MTOR: variants seen among roughly 807,000 people sequenced by gnomAD.
MTOR encodes mechanistic target of rapamycin kinase.
In MTOR, 70 loss-of-function variants were observed where a neutral mutation model predicts 319.8. That is an observed-to-expected ratio of 0.22 (90% CI 0.18 to 0.27). MTOR has a LOEUF of 0.27. Among genes scored for constraint, MTOR ranks in the 10% least tolerant of loss-of-function variants. The pLI is 1.00. For missense variants in MTOR, 1,890 were observed against 3,274.4 expected, an observed-to-expected ratio of 0.58 and a Z score of 10.32; for synonymous variants, 1,183 against 1,211.4, an observed-to-expected ratio of 0.98 and a Z score of 0.49.
chr1:11,181,093 T>G (rs998737089), intron 28 of MTOR, among the ~76,000 whole-genome samples: 2 of 152,146 alleles, frequency 1.3e-5, no homozygotes, highest in Admixed American at 1.3e-4. Context: ...GCAGTTTTTA[T>G]GGGGACATGT....
intron 29 of MTOR, among the ~76,000 whole-genome samples, chr1:11,157,833 A>G (rs1023543754): frequency 3.3e-5 from 5 of 152,206 alleles, no homozygotes; most frequent in Non-Finnish European, 5.9e-5. Flanking sequence ...GCATTTCTTA[A>G]CACATTTTTA....
chr1:11,165,396 T>C (rs533629526), intron 29 of MTOR, among the ~76,000 whole-genome samples: 13 of 152,192 alleles, frequency 8.5e-5, no homozygotes, highest in Non-Finnish European at 1.8e-4. Flanking sequence ...TTCAGCAAAG[T>C]CTCAGAATAC....
At chr1:11,198,749 C>G (rs146897428) in intron 28 of MTOR, among the ~76,000 whole-genome samples, 3 of 152,126 alleles carry the variant, frequency 2.0e-5, no homozygotes, top group African/African-American at 7.2e-5. Context: ...AACAGAGGAG[C>G]GAACATAACC....
intron 53 of MTOR, 68 bp downstream of exon 53, chr1:11,114,250 C>T (rs2100313251): frequency 6.3e-7 from 1 of 1,587,766 alleles, no homozygotes; most frequent in Admixed American, 1.7e-5. Context: ...CTGCCTTGGC[C>T]TCCCAAAATG....
chr1:11,139,521 G>A lies in MTOR; in HGVS notation c.4998+12C>T, dbSNP rs201765630. 6.2e-7 allele frequency: 1 copy of A among 1,614,148 alleles called. No homozygotes were observed. The highest frequency in any genetic ancestry group is 1.3e-5 in the African/African-American group (1 of 75,026). ...CCCTACCTGCCCATGTGGGTGGGTG[G>A]TTGTCACTCACCAGCCTGCCACTCT... On this transcript the variant is annotated intron_variant, in intron 35 of 57. Transcript: ENST00000361445.
At chr1:11,242,117 A>T (rs560457917) in intron 9 of MTOR, among the ~76,000 whole-genome samples, 2 of 152,082 alleles carry the variant, frequency 1.3e-5, no homozygotes, top group East Asian at 3.9e-4. Context: ...TAATCCCAGC[A>T]CTCTGGGAGG....
At chr1:11,233,272 T>C (rs929935975) in intron 15 of MTOR, 126 bp downstream of exon 15, 1 of 885,696 alleles carries the variant, frequency 1.1e-6, no homozygotes, top group African/African-American at 1.7e-5. Flanking sequence ...AATGCATTGT[T>C]GGCTGGGTTC....
intron 31 of MTOR, 73 bp from the exon 32 acceptor site, chr1:11,146,864 G>C: frequency 9.9e-7 from 1 of 1,007,464 alleles, no homozygotes; most frequent in Non-Finnish European, 1.6e-6. Flanking sequence ...TCTCAAATAG[G>C]TCTTGCCACT....
chr1:11,249,758 C>T (rs1196990155), intron 6 of MTOR, among the ~76,000 whole-genome samples: 1 of 145,908 alleles, frequency 6.9e-6, no homozygotes, highest in Non-Finnish European at 1.5e-5. Flanking sequence ...TCAACAGGAT[C>T]CCAAGGCAGA....
intron 9 of MTOR, 98 bp from the exon 10 acceptor site, chr1:11,241,779 C>G: frequency 4.9e-6 from 7 of 1,420,340 alleles, no homozygotes; most frequent in Non-Finnish European, 6.8e-6. Context: ...GTTACTCAGG[C>G]AGGGCTACCA....
At chr1:11,245,975 CTG>C (rs1278987457) in intron 8 of MTOR, among the ~76,000 whole-genome samples, 2 of 152,278 alleles carry the variant, frequency 1.3e-5, no homozygotes, top group East Asian at 1.9e-4. Context: ...AGAAATCTGA[CTG>C]TAGAGATTCT....
At chr1:11,250,272 C>T (rs1461295432) in intron 6 of MTOR, among the ~76,000 whole-genome samples, 13 of 138,138 alleles carry the variant, frequency 9.4e-5, no homozygotes, top group African/African-American at 2.6e-4. Flanking sequence ...GGGCAGGGGG[C>T]TGACCCCCCC....
At chr1:11,232,984 G>A in intron 15 of MTOR, 3 of 865,730 alleles carry the variant, frequency 3.5e-6, no homozygotes, top group Non-Finnish European at 5.8e-6. Context: ...AAGACTTTCA[G>A]AATTAAGCAA....
intron 38 of MTOR, 80 bp from the exon 39 acceptor site, chr1:11,130,857 AG>A: frequency 1.3e-6 from 2 of 1,489,960 alleles, no homozygotes; most frequent in Non-Finnish European, 1.8e-6. Flanking sequence ...GTCGATGCTG[AG>A]GAACAGCTGC....
At chr1:11,141,613 C>T (rs1017636385) in intron 34 of MTOR, among the ~76,000 whole-genome samples, 1 of 151,682 alleles carries the variant, frequency 6.6e-6, no homozygotes, top group Non-Finnish European at 1.5e-5. Context: ...AAGCAATCCA[C>T]CCACCTCGGC....
Position 11,144,712 on chromosome 1 carries a change from A to G in MTOR, c.4808T>C (p.Ile1603Thr), listed in dbSNP as rs764002710. The G allele has an allele frequency of 6.2e-7, 1 of 1,614,022 alleles. No homozygotes were observed. The highest frequency in any genetic ancestry group is 1.1e-5 in the South Asian group (1 of 91,080). Reference protein sequence around the residue: ...CHMLSELEEVIQYKLVPERRE... With the variant: ...CHMLSELEEVTQYKLVPERRE... ...TCGCTCGGGGACAAGTTTGTACTGG[A>G]TAACCTCCTCCAGCTCGGACAGCAT... Residue 1603 changes from isoleucine to threonine, a missense_variant, in exon 34 of 58, where the codon ATC becomes ACC. Ile to Thr is a moderately conservative substitution (Grantham distance 89, BLOSUM62 -1). Transcript: ENST00000361445.
rs774216128 is a variant in MTOR, at chr1:11,139,434, G to C, written c.5000C>G (p.Ala1667Gly). The change falls in exon 36 of 58, where the codon GCT becomes GGT. Residue 1667 changes from alanine (A) to glycine (G), a missense_variant and splice_region_variant. Ala to Gly is a moderately conservative substitution (Grantham distance 60, BLOSUM62 0). Coordinates refer to ENST00000361445, the MANE Select transcript of MTOR (RefSeq NM_004958.4). ...ASLCGKSGRL[A>G]LAHKTLVLLL... Reference sequence around the variant, plus strand: ...CAACACTAAAGTTTTATGAGCAAGAGCCTTAAAAATAAGAGAAACTGGGTT... The same window carrying C: ...CAACACTAAAGTTTTATGAGCAAGACCCTTAAAAATAAGAGAAACTGGGTT... The C allele has an allele frequency of 1.2e-6, 2 of 1,614,074 alleles. No individual in the cohort carries two copies. Among genetic ancestry groups the C allele is most frequent in the South Asian group, 2.2e-5 (2 of 91,072 alleles).
intron 32 of MTOR, 126 bp from the exon 33 acceptor site, chr1:11,145,171 G>A (rs1358890031): frequency 3.1e-5 from 25 of 795,450 alleles, no homozygotes; most frequent in Non-Finnish European, 3.9e-5. Context: ...AGAGAAATTC[G>A]CTGAAGAAGG....
intron 30 of MTOR, among the ~76,000 whole-genome samples, chr1:11,156,695 G>A (rs1451870049): frequency 6.6e-6 from 1 of 152,142 alleles, no homozygotes; most frequent in Non-Finnish European, 1.5e-5. Flanking sequence ...GTTTTCTTGT[G>A]TATTTTGTTT....
Sources: allele counts gnomAD v4.1 joint callset (sites outside exome capture counted in the v4.1 genomes callset), GRCh38; gene constraint gnomAD v4.1.1; transcripts MANE v1.5; gene names NCBI Gene and HGNC (gene_info 2026-07-23, HGNC 2026-07-21).